The following SCRIB variants were observed in gnomAD, a reference collection of about 807,000 sequenced individuals.
The protein encoded by SCRIB is protein scribble homolog.
A neutral mutation model predicts 170.0 loss-of-function variants in SCRIB; 72 were observed. The observed-to-expected ratio is 0.42, with a 90% confidence interval of 0.35 to 0.52. The LOEUF (loss-of-function observed/expected upper bound fraction) is 0.52. Ranked by LOEUF, SCRIB falls within the 20% of genes least tolerant of loss-of-function variation. SCRIB has a pLI of 0.02. For synonymous variants in SCRIB, 1,298 were observed against 1,044.3 expected, an observed-to-expected ratio of 1.24 and a Z score of -4.68; for missense variants, 2,475 against 2,338.5, an observed-to-expected ratio of 1.06 and a Z score of -1.20.
rs965082291 is a variant in SCRIB at position 143,806,764 on chromosome 8, C to T, written c.2268+160G>A. On this transcript the variant is annotated intron_variant, in intron 17 of 36. Transcript: ENST00000356994. ...GACAGACCCAGGCACCCTCAGGTTGCTCTTGGACTTCGGGATCCCACAACA... is the reference window on the plus strand; with the variant it reads ...GACAGACCCAGGCACCCTCAGGTTGTTCTTGGACTTCGGGATCCCACAACA... 4.6e-5 allele frequency among the ~76,000 whole-genome samples: 7 copies of T among 152,340 alleles called. No homozygotes were observed. The Middle Eastern group carries it at 0.01, about 222-fold the overall frequency.
At chr8:143,811,633 G>A (rs565757285) in intron 9 of SCRIB, among the ~76,000 whole-genome samples, 25 of 152,128 alleles carry the variant, frequency 1.6e-4, no homozygotes, top group African/African-American at 5.8e-4. Context: ...ACTGACCTGC[G>A]AGGCTGCGCC....
intron 21 of SCRIB, 115 bp downstream of exon 21, chr8:143,804,453 G>T: frequency 3.5e-6 from 4 of 1,135,800 alleles, no homozygotes; most frequent in Non-Finnish European, 4.8e-6. Flanking sequence ...GAAAGGGCGA[G>T]CAGGCCGGCT....
At chr8:143,795,189 G>C in intron 26 of SCRIB, 77 bp from the exon 27 acceptor site, 1 of 1,597,612 alleles carries the variant, frequency 6.3e-7, no homozygotes. Flanking sequence ...AGGAGAGGGG[G>C]TCCTGGGGGT....
Position 143,793,427 on chromosome 8 carries a change from GAGAGAC to G in SCRIB, c.3910-350_3910-345del, listed in dbSNP as rs769479820. ...GGGACGGGGGTAGAGAGGGGGGTGG[GAGAGAC>G]AGAGAGAGAGAGACCGACCAACCTG... On this transcript the variant is annotated intron_variant, in intron 28 of 36. Transcript: ENST00000356994. 392 of 301,180 alleles carry G rather than the reference GAGAGAC, an allele frequency of 1.3e-3. 3 individuals are homozygous for G. Among genetic ancestry groups the G allele is most frequent in the South Asian group, 1.7e-3 (15 of 9,080 alleles). 18.7% of individuals were successfully genotyped at this position (301,180 alleles called of 1,614,324 possible).
chr8:143,797,630 CG>C (rs1263611443), intron 24 of SCRIB, among the ~76,000 whole-genome samples: 1 of 152,220 alleles, frequency 6.6e-6, no homozygotes, highest in African/African-American at 2.4e-5. Flanking sequence ...CACACAGACA[CG>C]TGGTAGCTCC....
Position 143,815,602 on chromosome 8 carries a change from T to C in SCRIB, c.-230A>G. 1.0e-6 allele frequency: 1 copy of C among 981,270 alleles called. No homozygotes were observed. The highest frequency in any genetic ancestry group is 1.2e-6 in the Non-Finnish European group (1 of 828,314). The allele number at this position is 981,270 out of a possible 1,614,324, so 60.8% of individuals were successfully genotyped here. On this transcript the variant is annotated 5_prime_UTR_variant, in exon 1 of 37. Transcript: ENST00000356994. ...GCGCGGCCCGGCGGGTCTCAGACTC[T>C]TAGGAAGCGCGGGGAGCGGCGGCGG...
chr8:143,791,367 C>T lies in SCRIB; in HGVS notation c.4822+22G>A, dbSNP rs1820070730. 1.9e-6 allele frequency: 3 copies of T among 1,605,178 alleles called. No individual in the cohort carries two copies. The South Asian group carries it at 3.3e-5, about 18-fold the overall frequency. ...GGGCAGCTGGGCTCCTGGGAGCTCA[C>T]CCCAGCCCGGCCCCAACTCACCAGG... On this transcript the variant is annotated intron_variant, in intron 36 of 36. Coordinates refer to ENST00000356994, the MANE Select transcript of SCRIB (RefSeq NM_182706.5).
intron 14 of SCRIB, among the ~76,000 whole-genome samples, chr8:143,809,283 G>T (rs888754649): frequency 6.6e-6 from 1 of 152,074 alleles, no homozygotes; most frequent in Non-Finnish European, 1.5e-5. Flanking sequence ...GCCCACGGGG[G>T]TCAGAAGAGA....
intron 1 of SCRIB, 98 bp from the exon 2 acceptor site, chr8:143,814,216 C>T (rs1188881437): frequency 3.0e-6 from 3 of 989,732 alleles, no homozygotes; most frequent in African/African-American, 1.6e-5. Flanking sequence ...AGTCCCTAGG[C>T]CTCTGTCTGC....
At position 143,806,393 on chromosome 8, in the gene SCRIB, G is replaced by A. The variant is rs1554636564; in HGVS notation, c.2346+14C>T. ...GCACAGCTGCCACTCGGGGCGGAGAGGTTGCCGACTCACCTCCAGGAGCTT... is the reference window on the plus strand; with the variant it reads ...GCACAGCTGCCACTCGGGGCGGAGAAGTTGCCGACTCACCTCCAGGAGCTT... On this transcript the variant is annotated intron_variant, in intron 18 of 36. Coordinates refer to ENST00000356994, the MANE Select transcript of SCRIB (RefSeq NM_182706.5). The A allele has an allele frequency of 3.8e-6, 6 of 1,593,868 alleles. No homozygotes were observed. The highest frequency in any genetic ancestry group is 2.3e-5 in the East Asian group (1 of 43,920).
Position 143,790,925 on chromosome 8 carries a change from T to G in SCRIB, c.*238A>C. 1 of 416,122 alleles carries G rather than the reference T, an allele frequency of 2.4e-6. No individual in the cohort carries two copies. 25.8% of individuals were successfully genotyped at this position (416,122 alleles called of 1,614,324 possible). A position where few individuals can be genotyped will look rare whatever the true frequency, so the allele number is the denominator to read the frequency against. On this transcript the variant is annotated 3_prime_UTR_variant, in exon 37 of 37. Coordinates refer to ENST00000356994, the MANE Select transcript of SCRIB (RefSeq NM_182706.5). The stretch of plus-strand genomic sequence containing the variant: ...GGGGGATGGACAGGCAGACGGGAGG[T>G]AAAATGTAGTCAACTTTATTCTCCT...
In SCRIB at chr8:143,807,609, C is replaced by T. The variant is rs781995942; in HGVS notation, c.2121G>A (p.Val707=). The change falls in exon 16 of 37, where the codon GTG becomes GTA. Residue 707 remains valine, a synonymous_variant. Coordinates refer to ENST00000356994, the MANE Select transcript of SCRIB (RefSeq NM_182706.5). ...GCAGGTTATTGGCCTGGTCAAACGA[C>T]ACTCCCTGTTAGGACAGGACCAGTG... ...AVVSAPSVKG[V]SFDQANNLLI... is the part of the protein sequence containing the mutation. 3 of 1,613,850 alleles carry T rather than the reference C, an allele frequency of 1.9e-6. No individual in the cohort carries two copies. Among genetic ancestry groups the T allele is most frequent in the Admixed American group, 3.3e-5 (2 of 60,024 alleles).
Position 143,805,119 on chromosome 8 carries a change from C to T in SCRIB, c.2663G>A (p.Gly888Asp). Residue 888 changes from glycine to aspartate, a missense_variant, in exon 19 of 37, where the codon GGT becomes GAT. Around this residue, in one of 3 missense-constraint regions of SCRIB, gnomAD observed 1,966 missense variants for 1,742.9 expected, o/e 1.13. Transcript: ENST00000356994. The part of the protein sequence containing the change: ...GGKGSTPYRA[G>D]DAGIFVSRIA... ...CCTGGGCCCCAGCCTCACCGCATCA[C>T]CAGCCCTGTAGGGTGTGGAGCCTTT... The T allele has an allele frequency of 6.3e-7, 1 of 1,597,808 alleles. No individual in the cohort carries two copies. The highest frequency in any genetic ancestry group is 8.5e-7 in the Non-Finnish European group (1 of 1,172,060).
chr8:143,795,788 A>T (rs1300556383), intron 24 of SCRIB, among the ~76,000 whole-genome samples: 6 of 152,198 alleles, frequency 3.9e-5, no homozygotes, highest in Non-Finnish European at 8.8e-5. Flanking sequence ...GCACTAGGCA[A>T]GACTGTGAAG....
At position 143,813,463 on chromosome 8, in the gene SCRIB, C is replaced by A; in HGVS notation, c.503+7G>T. 6.2e-7 allele frequency: 1 copy of A among 1,613,260 alleles called. No homozygotes were observed. On this transcript the variant is annotated splice_region_variant and intron_variant, in intron 5 of 36. Transcript: ENST00000356994. Reference sequence around the variant, plus strand: ...CTGGCTGTTAGGAGAATGCCTGTCACACTCACGCTGGCAGGGACTTGAGCA... The same window carrying A: ...CTGGCTGTTAGGAGAATGCCTGTCAAACTCACGCTGGCAGGGACTTGAGCA...
At chr8:143,792,680 AC>A (rs1563787660) in intron 30 of SCRIB, 27 bp downstream of exon 30, 1 of 1,588,408 alleles carries the variant, frequency 6.3e-7, no homozygotes, top group South Asian at 1.1e-5. Flanking sequence ...CCGAGACCCA[AC>A]CCCCACCCCA....
At chr8:143,793,378 A>C in intron 28 of SCRIB, 1 of 315,462 alleles carries the variant, frequency 3.2e-6, no homozygotes, top group Non-Finnish European at 5.9e-6. Flanking sequence ...GGCAGAGGAG[A>C]GCAGGATCAG....
chr8:143,795,254 G>A (rs201593868), intron 26 of SCRIB, 23 bp downstream of exon 26: 1 of 1,612,264 alleles, frequency 6.2e-7, no homozygotes, highest in East Asian at 2.2e-5. Flanking sequence ...CCTGATGTGA[G>A]GGGGTGGGGC....
At position 143,815,436 on chromosome 8, in the gene SCRIB, G is replaced by A; in HGVS notation, c.-64C>T. The A allele has an allele frequency of 8.4e-7, 1 of 1,187,446 alleles. No homozygotes were observed. Among genetic ancestry groups the A allele is most frequent in the Non-Finnish European group, 1.0e-6 (1 of 958,900 alleles). 73.6% of individuals were successfully genotyped at this position (1,187,446 alleles called of 1,614,324 possible). A position where few individuals can be genotyped will look rare whatever the true frequency, so the allele number is the denominator to read the frequency against. On this transcript the variant is annotated 5_prime_UTR_variant, in exon 1 of 37. Coordinates refer to ENST00000356994, the MANE Select transcript of SCRIB (RefSeq NM_182706.5). ...GGCGGGCTCGGGGCCGGGGGGCGGG[G>A]CTCAGTCCGCATGGGCGCCGCGCAT...
Sources: gnomAD v4.1 joint callset for allele counts (sites outside exome capture counted in the v4.1 genomes callset) on GRCh38, gnomAD v4.1.1 for gene constraint, gnomAD v4.1.1 regional missense constraint, MANE v1.5 for transcripts, NCBI Gene and HGNC (gene_info 2026-07-23, HGNC 2026-07-21) for gene names.